Variants in MED1 observed in about 807,000 individuals in gnomAD.
The protein encoded by MED1 is mediator of RNA polymerase II transcription subunit 1.
In MED1, 17 loss-of-function variants were observed where a neutral mutation model predicts 121.3. The ratio of observed to expected loss-of-function variants is 0.14; its 90% confidence interval spans 0.10 to 0.21. MED1 has a LOEUF of 0.21. MED1 is among the 10% of genes least tolerant of loss of function. The pLI is 1.00. For missense variants in MED1, 1,558 were observed against 1,919.4 expected, an observed-to-expected ratio of 0.81 and a Z score of 3.52; for synonymous variants, 661 against 694.4, an observed-to-expected ratio of 0.95 and a Z score of 0.76.
chr17:39,407,544 C>G lies in MED1; in HGVS notation c.4677G>C (p.Arg1559Ser). ...CCCCAATCATAAAGTCTGGGCTGAG[C>G]CTTGAGGGTCTGTCTGCAGATAAGA... ...NTILSADRPS[R>S]LSPDFMIGEE... Residue 1559 changes from arginine (R) to serine (S), a missense_variant, in exon 17 of 17, where the codon AGG becomes AGC. Arg to Ser is a moderately radical substitution (Grantham distance 110, BLOSUM62 -1). Around this residue, in one of 5 missense-constraint regions of MED1, gnomAD observed 264 missense variants for 326.1 expected, o/e 0.81. Coordinates refer to ENST00000300651, the MANE Select transcript of MED1 (RefSeq NM_004774.4). 1 of 1,614,066 alleles carries G rather than the reference C, an allele frequency of 6.2e-7. No homozygotes were observed. The highest frequency in any genetic ancestry group is 8.5e-7 in the Non-Finnish European group (1 of 1,180,022).
In MED1 at chr17:39,405,241, T is replaced by A; in HGVS notation, c.*2234A>T. The A allele has an allele frequency of 5.0e-6, 8 of 1,595,650 alleles. No individual in the cohort carries two copies. Among genetic ancestry groups the A allele is most frequent in the Non-Finnish European group, 6.8e-6 (8 of 1,171,264 alleles). ...AGCAAGTTCAGATGCTGGGTCAGTG[T>A]GGGGGTGAGCCCATCGACAATTCAG... On this transcript the variant is annotated 3_prime_UTR_variant, in exon 17 of 17. Transcript: ENST00000300651.
chr17:39,428,238 A>G (rs1162602833), intron 9 of MED1, among the ~76,000 whole-genome samples: 1 of 152,012 alleles, frequency 6.6e-6, no homozygotes, highest in African/African-American at 2.4e-5. Flanking sequence ...TAATCCCACA[A>G]CTTTGGGAGG....
In MED1 at chr17:39,410,423, G is replaced by T; in HGVS notation, c.1798C>A (p.Gln600Lys). 6.2e-7 allele frequency: 1 copy of T among 1,614,074 alleles called. No individual in the cohort carries two copies. Among genetic ancestry groups the T allele is most frequent in the Non-Finnish European group, 8.5e-7 (1 of 1,180,016 alleles). ...GHGEDFSKVS[Q>K]NPILTSLLQI... Reference sequence around the variant, plus strand: ...AACAAACTGGTAAGAATTGGGTTCTGAGACACCTTGCTGAAGTCCTCCCCA... The same window carrying T: ...AACAAACTGGTAAGAATTGGGTTCTTAGACACCTTGCTGAAGTCCTCCCCA... Residue 600 changes from glutamine to lysine, a missense_variant, in exon 17 of 17, where the codon CAG (glutamine) becomes AAG (lysine). By Grantham distance (53) the Gln-to-Lys change is moderately conservative. Transcript: ENST00000300651.
At chr17:39,446,434 A>C (rs1001540890) in intron 2 of MED1, among the ~76,000 whole-genome samples, 4 of 117,882 alleles carry the variant, frequency 3.4e-5, no homozygotes, top group African/African-American at 1.3e-4. Context: ...TGGGTGACAA[A>C]GCGACACTCC....
chr17:39,415,067 T>C lies in MED1; in HGVS notation c.1458A>G (p.Ala486=). The C allele has an allele frequency of 1.2e-6, 2 of 1,614,196 alleles. No homozygotes were observed. The highest frequency in any genetic ancestry group is 1.7e-6 in the Non-Finnish European group (2 of 1,180,022). ...SCKLYKGLSD[A]LICTDDFIAK... is the part of the protein sequence containing the mutation. ...CAATGAAGTCATCTGTGCAGATCAG[T>C]GCATCCGACAGCCCTTTGTAGAGTT... Residue 486 remains alanine, a synonymous_variant, in exon 16 of 17, where the codon GCA becomes GCG. Coordinates refer to ENST00000300651, the MANE Select transcript of MED1 (RefSeq NM_004774.4).
rs1353519075 is a variant in MED1, at chr17:39,410,493, A to C, written c.1728T>G (p.Phe576Leu). The C allele has an allele frequency of 3.1e-6, 5 of 1,613,918 alleles. No homozygotes were observed. The highest frequency in any genetic ancestry group is 3.4e-6 in the Non-Finnish European group (4 of 1,180,012). The change falls in exon 17 of 17, where the codon TTT (phenylalanine) becomes TTG (leucine). Residue 576 changes from phenylalanine to leucine, a missense_variant. Coordinates refer to ENST00000300651, the MANE Select transcript of MED1 (RefSeq NM_004774.4). ...GATCTTTGATGCTCATGCTCATATT[A>C]AACAAGGTGGTAATGGGACCCCCCG... Reference protein sequence around the residue: ...TFPGGPITTLFNMSMSIKDRH... With the variant: ...TFPGGPITTLLNMSMSIKDRH...
At chr17:39,431,920 A>AT (rs770074453) in intron 8 of MED1, 22 bp downstream of exon 8, 20 of 1,538,060 alleles carry the variant, frequency 1.3e-5, no homozygotes, top group African/African-American at 4.1e-5. Flanking sequence ...ATCATGTAGA[A>AT]TTAAGGTTTT....
At chr17:39,414,694 G>A (rs1378931375) in intron 16 of MED1, among the ~76,000 whole-genome samples, 16 of 115,778 alleles carry the variant, frequency 1.4e-4, no homozygotes, top group African/African-American at 2.4e-4. Flanking sequence ...ACAAAAACAC[G>A]GAGTCTTGCT....
rs71300069 is a variant in MED1, at chr17:39,433,379, GA to G, written c.500+869del. 3.6e-3 allele frequency among the ~76,000 whole-genome samples: 472 copies of G among 132,244 alleles called. 2 individuals are homozygous for G. The highest frequency in any genetic ancestry group is 0.021 in the East Asian group (95 of 4,568). The allele number at this position is 132,244 out of a possible 152,430, so 86.8% of individuals were successfully genotyped here. A position where few individuals can be genotyped will look rare whatever the true frequency, so the allele number is the denominator to read the frequency against. The stretch of plus-strand genomic sequence containing the variant: ...GCGACAATCCGTATTTAAAAAAAAA[GA>G]AAAAAAAAAAACATTTTAAAACATT... On this transcript the variant is annotated intron_variant, in intron 7 of 16. Transcript: ENST00000300651.
At chr17:39,439,069 T>C (rs2048647514) in intron 6 of MED1, 96 bp downstream of exon 6, 4 of 1,117,842 alleles carry the variant, frequency 3.6e-6, no homozygotes, top group African/African-American at 1.6e-5. Flanking sequence ...AATAAACTTG[T>C]TCCTGAGGAG....
chr17:39,439,115 A>T (rs980741265), intron 6 of MED1, 50 bp downstream of exon 6: 19 of 1,531,600 alleles, frequency 1.2e-5, no homozygotes, highest in Non-Finnish European at 1.5e-5. Context: ...CCAGCTGTAA[A>T]GAACAGCACT....
intron 6 of MED1, 55 bp downstream of exon 6, chr17:39,439,110 T>G (rs948711370): frequency 2.7e-6 from 4 of 1,499,896 alleles, no homozygotes; most frequent in African/African-American, 1.4e-5. Flanking sequence ...AAAAGCCAGC[T>G]GTAAAGAACA....
At chr17:39,437,510 T>C (rs2048631438) in intron 6 of MED1, among the ~76,000 whole-genome samples, 1 of 151,902 alleles carries the variant, frequency 6.6e-6, no homozygotes. Flanking sequence ...TTAAACATAA[T>C]AGAATGCACC....
In MED1 at chr17:39,410,371, G is replaced by A; in HGVS notation, c.1850C>T (p.Thr617Ile). ...AGGAGGGGTCGGACTCGAGCCAATG[G>A]TAGACCCCCCGTTCCCTGTGATTTG... ...LLQITGNGGS[T>I]IGSSPTPPHH... Residue 617 changes from threonine (T) to isoleucine (I), a missense_variant, in exon 17 of 17, where the codon ACC (threonine) becomes ATC (isoleucine). This residue lies in a region of MED1 where 793 missense variants were observed against 898.2 expected (regional missense o/e 0.88). Transcript: ENST00000300651. 1 of 1,614,052 alleles carries A rather than the reference G, an allele frequency of 6.2e-7. No individual in the cohort carries two copies. Among genetic ancestry groups the A allele is most frequent in the Non-Finnish European group, 8.5e-7 (1 of 1,180,012 alleles).
Position 39,408,609 on chromosome 17 carries a change from C to T in MED1, c.3612G>A (p.Lys1204=). 1 of 1,614,132 alleles carries T rather than the reference C, an allele frequency of 6.2e-7. No homozygotes were observed. The highest frequency in any genetic ancestry group is 8.5e-7 in the Non-Finnish European group (1 of 1,180,024). Residue 1204 remains lysine (K), a synonymous_variant, in exon 17 of 17, where the codon AAG becomes AAA. Transcript: ENST00000300651. This position sits in a 1 kb window ranked among gnomAD's most constrained non-coding sequence, Gnocchi z 4.7. ...GAACAGGCTTCATTGGAGAGGCAAGCTTGTCAGAGCCTCCAGGTGGCCTTG... is the reference window on the plus strand; with the variant it reads ...GAACAGGCTTCATTGGAGAGGCAAGTTTGTCAGAGCCTCCAGGTGGCCTTG... ...SHSRPPGGSD[K]LASPMKPVPG... is the part of the protein sequence containing the mutation.
intron 8 of MED1, 93 bp downstream of exon 8, chr17:39,431,849 T>C (rs1276737828): frequency 1.5e-5 from 12 of 786,884 alleles, no homozygotes; most frequent in East Asian, 2.7e-5. Flanking sequence ...CATATTATCA[T>C]ACAGGCTTAA....
chr17:39,432,150 C>G (rs540564412), intron 7 of MED1, 134 bp from the exon 8 acceptor site: 1 of 557,212 alleles, frequency 1.8e-6, no homozygotes, highest in South Asian at 1.9e-5. Context: ...TGAGACCGGC[C>G]TGGCCAACAT....
Position 39,410,353 on chromosome 17 carries a change from G to T in MED1, c.1868C>A (p.Thr623Asn), listed in dbSNP as rs773546401. The T allele has an allele frequency of 8.1e-6, 13 of 1,613,834 alleles. No individual in the cohort carries two copies. The South Asian group carries it at 1.2e-4, about 15-fold the overall frequency. The change falls in exon 17 of 17, where the codon ACC becomes AAC. Residue 623 changes from threonine to asparagine, a missense_variant. By Grantham distance (65) the Thr-to-Asn change is moderately conservative. Coordinates refer to ENST00000300651, the MANE Select transcript of MED1 (RefSeq NM_004774.4). ...NGGSTIGSSP[T>N]PPHHTPPPVS... Reference sequence around the variant, plus strand: ...AGGTGGCGGCGTGTGATGAGGAGGGGTCGGACTCGAGCCAATGGTAGACCC... The same window carrying T: ...AGGTGGCGGCGTGTGATGAGGAGGGTTCGGACTCGAGCCAATGGTAGACCC...
At chr17:39,433,541 A>G (rs2048588529) in intron 7 of MED1, among the ~76,000 whole-genome samples, 2 of 150,870 alleles carry the variant, frequency 1.3e-5, no homozygotes, top group South Asian at 4.2e-4. Context: ...ATATATATAT[A>G]TATATACACA....
Sources: allele counts gnomAD v4.1 joint callset (sites outside exome capture counted in the v4.1 genomes callset), GRCh38; gene constraint gnomAD v4.1.1; regional missense constraint gnomAD v4.1.1; non-coding constraint Gnocchi (gnomAD v3.1); transcripts MANE v1.5; gene names NCBI Gene and HGNC (gene_info 2026-07-23, HGNC 2026-07-21).